GTF2A2: variants seen among roughly 807,000 people sequenced by gnomAD.
GTF2A2 encodes general transcription factor IIA subunit 2, also known as transcription initiation factor IIA subunit 2.
In GTF2A2, 9 loss-of-function variants were observed where a neutral mutation model predicts 14.3. That is an observed-to-expected ratio of 0.63 (90% CI 0.38 to 1.10). GTF2A2 has a LOEUF of 1.10. Ranked by LOEUF, GTF2A2 falls within the 50% of genes least tolerant of loss-of-function variation. GTF2A2 has a pLI of 0.01. For missense variants in GTF2A2, 90 were observed against 124.6 expected, an observed-to-expected ratio of 0.72 and a Z score of 1.32; for synonymous variants, 56 against 46.0, an observed-to-expected ratio of 1.22 and a Z score of -0.88.
chr15:59,645,901 G>A (rs1184475154), intron 3 of GTF2A2, among the ~76,000 whole-genome samples: 2 of 152,008 alleles, frequency 1.3e-5, no homozygotes, highest in African/African-American at 4.8e-5. Flanking sequence ...GGGCATGATG[G>A]TGGGTGCCTG....
At chr15:59,639,760 T>G (rs1053814633) in intron 4 of GTF2A2, among the ~76,000 whole-genome samples, 10 of 150,026 alleles carry the variant, frequency 6.7e-5, no homozygotes, top group African/African-American at 2.5e-4. Context: ...GCCTGGCAAT[T>G]TTTTTTTAAA....
At chr15:59,648,401 C>CAAAAAAAA (rs71425875) in intron 3 of GTF2A2, among the ~76,000 whole-genome samples, 3 of 90,516 alleles carry the variant, frequency 3.3e-5, no homozygotes, top group African/African-American at 4.6e-5. Context: ...GACTTCGTCT[C>CAAAAAAAA]AAAAAAAAAA....
intron 3 of GTF2A2, among the ~76,000 whole-genome samples, chr15:59,642,876 C>T (rs1891477410): frequency 6.6e-6 from 1 of 152,016 alleles, no homozygotes; most frequent in Non-Finnish European, 1.5e-5. Flanking sequence ...AAGAGATTCT[C>T]CTACCTCAGC....
intron 2 of GTF2A2, chr15:59,651,942 C>T: frequency 3.4e-6 from 1 of 297,764 alleles, no homozygotes. Context: ...CCTTGTCCTC[C>T]TAAAGTGCTG....
intron 3 of GTF2A2, among the ~76,000 whole-genome samples, chr15:59,647,693 C>T (rs1324283680): frequency 6.6e-6 from 1 of 152,096 alleles, no homozygotes; most frequent in Non-Finnish European, 1.5e-5. Flanking sequence ...ATTCTCCCGC[C>T]TCAGCCTTCC....
intron 1 of GTF2A2, among the ~76,000 whole-genome samples, chr15:59,654,248 C>T (rs996258128): frequency 1.3e-5 from 2 of 152,192 alleles, no homozygotes; most frequent in African/African-American, 4.8e-5. Context: ...TCCCTATCTT[C>T]GCCCACTCAC....
chr15:59,647,381 G>T (rs77476889), intron 3 of GTF2A2, among the ~76,000 whole-genome samples: 1 of 152,148 alleles, frequency 6.6e-6, no homozygotes, highest in Non-Finnish European at 1.5e-5. Context: ...TTACAGGCTT[G>T]AGCTGCAGTG....
At chr15:59,645,811 G>A (rs562763437) in intron 3 of GTF2A2, among the ~76,000 whole-genome samples, 1 of 151,920 alleles carries the variant, frequency 6.6e-6, no homozygotes, top group Admixed American at 6.6e-5. Flanking sequence ...TGAGGTGGGA[G>A]GGTCACTGAG....
At chr15:59,641,613 T>C (rs1370492406) in intron 4 of GTF2A2, among the ~76,000 whole-genome samples, 2 of 152,282 alleles carry the variant, frequency 1.3e-5, no homozygotes, top group African/African-American at 4.8e-5. Flanking sequence ...AGGTGTATAG[T>C]TTTTGAAACA....
chr15:59,655,281 T>G (rs912156772), intron 1 of GTF2A2, among the ~76,000 whole-genome samples: 8 of 152,204 alleles, frequency 5.3e-5, no homozygotes, highest in Non-Finnish European at 1.2e-4. Context: ...CAGTTCCCCT[T>G]TGCAGCAAAA....
At chr15:59,645,763 T>C (rs1595669920) in intron 3 of GTF2A2, among the ~76,000 whole-genome samples, 2 of 152,030 alleles carry the variant, frequency 1.3e-5, no homozygotes, top group African/African-American at 4.8e-5. Flanking sequence ...TGGCCGGGTG[T>C]GGTGGCTCAC....
intron 3 of GTF2A2, among the ~76,000 whole-genome samples, chr15:59,645,614 A>G (rs768280204): frequency 6.6e-6 from 1 of 152,228 alleles, no homozygotes; most frequent in Non-Finnish European, 1.5e-5. Context: ...AGCCTATAAA[A>G]TATATTTAAA....
At chr15:59,645,204 G>C (rs1223035543) in intron 3 of GTF2A2, among the ~76,000 whole-genome samples, 3 of 152,098 alleles carry the variant, frequency 2.0e-5, no homozygotes, top group African/African-American at 7.2e-5. Context: ...GTTAAATTTG[G>C]AACTTGTTGA....
intron 2 of GTF2A2, 102 bp downstream of exon 2, chr15:59,652,104 T>G (rs1453242511): frequency 1.4e-6 from 1 of 711,280 alleles, no homozygotes; most frequent in Non-Finnish European, 2.5e-6. Context: ...GGTCAAATAG[T>G]CCAAGATATT....
chr15:59,653,299 T>G (rs1891848888), intron 1 of GTF2A2, among the ~76,000 whole-genome samples: 1 of 152,146 alleles, frequency 6.6e-6, no homozygotes, highest in Admixed American at 6.5e-5. Context: ...TGTAAGATCT[T>G]GACCTCATGG....
At chr15:59,652,158 G>T in intron 2 of GTF2A2, 48 bp downstream of exon 2, 2 of 1,030,060 alleles carry the variant, frequency 1.9e-6, no homozygotes, top group Non-Finnish European at 1.5e-6. Context: ...AAGAATTACT[G>T]TAAACCCATC....
intron 4 of GTF2A2, among the ~76,000 whole-genome samples, chr15:59,641,181 C>T (rs980408118): frequency 1.4e-5 from 2 of 141,380 alleles, no homozygotes; most frequent in African/African-American, 5.3e-5. Flanking sequence ...CAGCAAGACT[C>T]TTTTTTTTTT....
At chr15:59,650,368 GATA>G (rs1213699723) in intron 3 of GTF2A2, among the ~76,000 whole-genome samples, 1 of 152,178 alleles carries the variant, frequency 6.6e-6, no homozygotes, top group Non-Finnish European at 1.5e-5. Flanking sequence ...TAATCCTGCA[GATA>G]ATATTTCAGG....
chr15:59,639,449 C>T (rs1891313291), intron 4 of GTF2A2, among the ~76,000 whole-genome samples: 1 of 141,624 alleles, frequency 7.1e-6, no homozygotes, highest in African/African-American at 2.6e-5. Flanking sequence ...TCCCCCAGGT[C>T]CTTTACTGTC....
Sources: allele counts gnomAD v4.1 joint callset (sites outside exome capture counted in the v4.1 genomes callset), GRCh38; gene constraint gnomAD v4.1.1; transcripts MANE v1.5; gene names NCBI Gene and HGNC (gene_info 2026-07-23, HGNC 2026-07-21).